SENP1: variants seen among roughly 807,000 people sequenced by gnomAD.
SENP1 encodes sentrin-specific protease 1.
In SENP1, 21 loss-of-function variants were observed where a neutral mutation model predicts 93.0. The ratio of observed to expected loss-of-function variants is 0.23; its 90% CI spans 0.16 to 0.33. SENP1 has a LOEUF of 0.33. Ranked by LOEUF, SENP1 falls within the 10% of genes least tolerant of loss-of-function variation. The probability of loss-of-function intolerance (pLI) is 1.00; values close to 1 mark genes in which losing one functional copy is unlikely to be tolerated. For synonymous variants in SENP1, 256 were observed against 259.6 expected (o/e 0.99, Z 0.13); for missense variants, 591 against 758.7 (o/e 0.78, Z 2.60).
intron 1 of SENP1, among the ~76,000 whole-genome samples, chr12:48,103,403 A>T (rs2137360877): frequency 6.6e-6 from 1 of 152,350 alleles, no homozygotes; most frequent in Middle Eastern, 3.4e-3. Context: ...CACAACCTCA[A>T]AGATTAATAC....
intron 5 of SENP1, among the ~76,000 whole-genome samples, chr12:48,084,299 G>A (rs534024589): frequency 1.7e-4 from 26 of 152,184 alleles, no homozygotes; most frequent in Non-Finnish European, 2.9e-4. Context: ...ATTAGGCTGC[G>A]TCATTAAATT....
At chr12:48,051,523 T>C (rs1006021494) in intron 13 of SENP1, among the ~76,000 whole-genome samples, 1 of 152,244 alleles carries the variant, frequency 6.6e-6, no homozygotes, top group Admixed American at 6.5e-5. Flanking sequence ...GATTCAAGTC[T>C]TTCTCCTCAA....
chr12:48,055,735 T>C lies in SENP1; in HGVS notation c.1408-6603A>G, dbSNP rs1429972050. 3 of 149,642 alleles carry C rather than the reference T, an allele frequency of 2.0e-5. No individual in the cohort carries two copies. In the Admixed American group the frequency reaches 2.0e-4, roughly 10 times the overall value. The allele number at this position is 149,642 out of a possible 1,614,324, so 9.3% of individuals were successfully genotyped here. ...ATATCTCAATAGTATTTTGACTACA[T>C]GCTAAAATGACATATTTTGTTAAAT... On this transcript the variant is annotated intron_variant, in intron 13 of 17. Coordinates refer to ENST00000549518, the MANE Select transcript of SENP1 (RefSeq NM_001267594.2).
chr12:48,083,748 CTGTT>C lies in SENP1; in HGVS notation c.391_394del (p.Asn131ValfsTer38). 6.2e-7 allele frequency: 1 copy of C among 1,605,262 alleles called. No homozygotes were observed. The highest frequency in any genetic ancestry group is 2.2e-5 in the East Asian group (1 of 44,806). ...GTGATGGTTTGACTTTCCCGCAAAACTGTTTGATAATCCACTAAAAAAAGAGTTT... is the reference window on the plus strand; with the variant it reads ...GTGATGGTTTGACTTTCCCGCAAAACTGATAATCCACTAAAAAAAGAGTTT... On this transcript the variant is annotated frameshift_variant, in exon 6 of 18. Coordinates refer to ENST00000549518, the MANE Select transcript of SENP1 (RefSeq NM_001267594.2). LOFTEE classifies it high-confidence loss of function.
intron 13 of SENP1, among the ~76,000 whole-genome samples, chr12:48,058,582 A>G (rs1238733702): frequency 6.6e-6 from 1 of 152,186 alleles, no homozygotes; most frequent in Admixed American, 6.5e-5. Flanking sequence ...CACTTTATGT[A>G]GAGTAGAAGG....
intron 6 of SENP1, among the ~76,000 whole-genome samples, chr12:48,078,478 G>A: frequency 1.3e-5 from 2 of 150,902 alleles, no homozygotes. Context: ...GAGTCTGTAG[G>A]GTTTTCTATA....
chr12:48,095,563 T>C (rs951843653), intron 4 of SENP1, among the ~76,000 whole-genome samples: 1 of 144,416 alleles, frequency 6.9e-6, no homozygotes, highest in Non-Finnish European at 1.5e-5. Flanking sequence ...AAAAAATTCC[T>C]GTTGAGGCAG....
chr12:48,098,047 G>C lies in SENP1; in HGVS notation c.82C>G (p.Leu28Val). The change falls in exon 3 of 18, where the codon CTC (leucine) becomes GTC (valine). Residue 28 changes from leucine (L) to valine (V), a missense_variant. This residue lies in a region of SENP1 where 214 missense variants were observed against 243.4 expected (regional missense o/e 0.88). Coordinates refer to ENST00000549518, the MANE Select transcript of SENP1 (RefSeq NM_001267594.2). ...TCTGGAAAACCTGTTTGTGGCAGGA[G>C]GTGGGTTTTGAATACGGAGTTGTGG... is the stretch of plus-strand genomic sequence containing the variant. ...VNHNSVFKTH[L>V]LPQTGFPEDQ... 1 of 1,613,742 alleles carries C rather than the reference G, an allele frequency of 6.2e-7. No homozygotes were observed. Among genetic ancestry groups the C allele is most frequent in the South Asian group, 1.1e-5 (1 of 91,016 alleles).
At chr12:48,056,510 A>G (rs189956300) in intron 13 of SENP1, among the ~76,000 whole-genome samples, 16 of 49,782 alleles carry the variant, frequency 3.2e-4, no homozygotes, top group South Asian at 2.0e-3. Context: ...ATATAAATAT[A>G]TTATTTAATA....
At chr12:48,068,998 CAAAAA>C (rs61167137) in intron 9 of SENP1, among the ~76,000 whole-genome samples, 2,817 of 151,344 alleles carry the variant, frequency 0.019, 55 homozygotes, top group East Asian at 0.092. Flanking sequence ...ACTAAAAATA[CAAAAA>C]TTAGCTGGGT....
intron 3 of SENP1, 121 bp from the exon 4 acceptor site, chr12:48,096,548 T>G (rs773395855): frequency 3.2e-5 from 19 of 593,908 alleles, no homozygotes; most frequent in Non-Finnish European, 5.4e-5. Flanking sequence ...CTCCGCCTCC[T>G]GAGTTCAAGT....
At chr12:48,067,505 C>T (rs1175719555) in intron 9 of SENP1, among the ~76,000 whole-genome samples, 3 of 152,214 alleles carry the variant, frequency 2.0e-5, no homozygotes, top group Non-Finnish European at 4.4e-5. Flanking sequence ...AGCAGAGCCA[C>T]AGACATGATT....
intron 14 of SENP1, 139 bp downstream of exon 14, chr12:48,048,790 T>C: frequency 1.6e-6 from 1 of 632,018 alleles, no homozygotes. Context: ...CATAGATCTA[T>C]CTGATTTTAG....
intron 4 of SENP1, among the ~76,000 whole-genome samples, chr12:48,091,687 T>C (rs1004112468): frequency 1.3e-5 from 2 of 152,018 alleles, no homozygotes; most frequent in African/African-American, 4.8e-5. Flanking sequence ...GGTTAAACAT[T>C]TTTTTTTCTT....
Position 48,078,977 on chromosome 12 carries a change from T to G in SENP1, c.553-4184A>C, listed in dbSNP as rs190254444. Among the ~76,000 whole-genome samples, 6 of 152,202 alleles carry G rather than the reference T, an allele frequency of 3.9e-5. No homozygotes were observed. The South Asian group carries it at 1.2e-3, about 32-fold the overall frequency. On this transcript the variant is annotated intron_variant, in intron 6 of 17. Coordinates refer to ENST00000549518, the MANE Select transcript of SENP1 (RefSeq NM_001267594.2). ...CAGCCTGGGCAACAAAGTGAGACCC[T>G]GTCTCTACACAAAAAATGTTTAAAA...
intron 6 of SENP1, among the ~76,000 whole-genome samples, chr12:48,077,815 C>T (rs1944206354): frequency 6.6e-6 from 1 of 152,012 alleles, no homozygotes; most frequent in Middle Eastern, 3.2e-3. Flanking sequence ...TTTCCAATAC[C>T]ATGCTGTTTT....
Position 48,049,008 on chromosome 12 carries a change from C to T in SENP1, c.1532G>A (p.Arg511His), listed in dbSNP as rs1160858670. ...LKTAGYQAVKRWTKKVDVFSV... is the reference protein window; with the variant it reads ...LKTAGYQAVKHWTKKVDVFSV... ...AAATACATCTACTTTCTTTGTCCAACGTTTCACTGCCTGATAACCAGCCGT... is the reference window on the plus strand; with the variant it reads ...AAATACATCTACTTTCTTTGTCCAATGTTTCACTGCCTGATAACCAGCCGT... The change falls in exon 14 of 18, where the codon CGT becomes CAT. Residue 511 changes from arginine to histidine, a missense_variant. By Grantham distance (29) the Arg-to-His change is conservative. This residue lies in a region of SENP1 where 132 missense variants were observed against 230.1 expected (regional missense o/e 0.57). Coordinates refer to ENST00000549518, the MANE Select transcript of SENP1 (RefSeq NM_001267594.2). 6.2e-7 allele frequency: 1 copy of T among 1,613,732 alleles called. No individual in the cohort carries two copies. Among genetic ancestry groups the T allele is most frequent in the Non-Finnish European group, 8.5e-7 (1 of 1,179,748 alleles).
chr12:48,059,337 C>G (rs1046147067), intron 13 of SENP1, among the ~76,000 whole-genome samples: 2 of 152,006 alleles, frequency 1.3e-5, no homozygotes, highest in African/African-American at 4.8e-5. Context: ...TATTGCTATT[C>G]AAGTTTACGA....
At chr12:48,076,643 C>T (rs11168388) in intron 6 of SENP1, among the ~76,000 whole-genome samples, 51,368 of 117,040 alleles carry the variant, frequency 0.44, 9,551 homozygotes, top group East Asian at 0.66. Flanking sequence ...GTAGTTTTTG[C>T]TTTTTTTTTT....
Sources: gnomAD v4.1 joint callset for allele counts (sites outside exome capture counted in the v4.1 genomes callset) on GRCh38, gnomAD v4.1.1 for gene constraint, gnomAD v4.1.1 regional missense constraint, MANE v1.5 for transcripts, NCBI Gene and HGNC (gene_info 2026-07-23, HGNC 2026-07-21) for gene names.